PRRT4: variants seen among roughly 807,000 people sequenced by gnomAD.
PRRT4 encodes the protein proline-rich transmembrane protein 4.
Under a neutral mutation model 55.6 loss-of-function variants are expected in PRRT4, and 59 were observed. The observed-to-expected ratio is 1.06, with a 90% CI of 0.86 to 1.32. The LOEUF is 1.32. PRRT4 is among the 40% of genes most tolerant of loss of function. PRRT4 has a pLI of 0.00. For missense variants in PRRT4, 1,217 were observed against 1,222.0 expected, an observed-to-expected ratio of 1.00 and a Z score of 0.06; for synonymous variants, 606 against 601.8, an observed-to-expected ratio of 1.01 and a Z score of -0.10.
chr7:128,353,147 T>C (rs918493221), intron 4 of PRRT4, among the ~76,000 whole-genome samples: 38 of 152,138 alleles, frequency 2.5e-4, no homozygotes, highest in Admixed American at 2.2e-3. Context: ...TTAGCAGATA[T>C]TCATTGACTA....
In PRRT4 at chr7:128,361,091, TCTCTCTCTCTCTCACACA is replaced by T. The variant is rs1352753029; in HGVS notation, c.-73+452_-73+469del. On this transcript the variant is annotated intron_variant, in intron 1 of 4. Coordinates refer to ENST00000535159, the Ensembl canonical transcript of PRRT4. ...GGCCTCCCCTGTCTCTCTCTCTCTC[TCTCTCTCTCTCTCACACA>T]CACACACACACACACACACACACAC... Among the ~76,000 whole-genome samples, 322 of 134,506 alleles carry T rather than the reference TCTCTCTCTCTCTCACACA, an allele frequency of 2.4e-3. 2 individuals carry two copies. Among genetic ancestry groups the T allele is most frequent in the African/African-American group, 9.2e-3 (310 of 33,660 alleles). 88.2% of individuals were successfully genotyped at this position (134,506 alleles called of 152,430 possible). A position where few individuals can be genotyped will look rare whatever the true frequency, so the allele number is the denominator to read the frequency against.
At chr7:128,350,923 T>TCCTGCAGCAAGGCCTCCTCGG (rs1031732252) in exon 5 of PRRT4, 13 of 1,550,702 alleles carry the variant, frequency 8.4e-6, no homozygotes, top group Non-Finnish European at 1.0e-5. Flanking sequence ...CAGGAACTGC[T>TCCTGCAGCAAGGCCTCCTCGG]CCTGCAGCAA....
intron 1 of PRRT4, among the ~76,000 whole-genome samples, chr7:128,360,609 C>T (rs1313379535): frequency 6.6e-6 from 1 of 152,092 alleles, no homozygotes; most frequent in Non-Finnish European, 1.5e-5. Flanking sequence ...AGTCAGAAGG[C>T]CGCCCAGGCT....
chr7:128,352,324 G>A, exon 5 of PRRT4: 1 of 1,541,936 alleles, frequency 6.5e-7, no homozygotes, highest in South Asian at 1.2e-5. Flanking sequence ...GGCCCGCGTG[G>A]TCCCGGCCGA....
In PRRT4 at chr7:128,351,143, A is replaced by G. The variant is rs1003300384; in HGVS notation, c.2413T>C (p.Ser805Pro). Residue 805 changes from serine (S) to proline (P), a missense_variant, in exon 5 of 5, where the codon TCG becomes CCG. By Grantham distance (74) the Ser-to-Pro change is moderately conservative (BLOSUM62 -1). Around this residue, in one of 3 missense-constraint regions of PRRT4, gnomAD observed 642 missense variants for 600.9 expected, o/e 1.07. Transcript: ENST00000535159. The stretch of plus-strand genomic sequence containing the variant: ...CTGTCCCGCGAGAGTCCGCAGAACG[A>G]GCCAGATGAGACGCTGCTGCCTGCG... 7.1e-6 allele frequency: 11 copies of G among 1,547,102 alleles called. No homozygotes were observed. In the Admixed American group the frequency reaches 1.4e-4, roughly 19 times the overall value.
chr7:128,358,572 A>C lies in PRRT4; in HGVS notation c.877+109T>G, dbSNP rs1292884057. On this transcript the variant is annotated intron_variant, in intron 4 of 4. Transcript: ENST00000535159. The surrounding 1 kb of genome is among the most constrained non-coding windows in gnomAD (Gnocchi z 4.4). The stretch of plus-strand genomic sequence containing the variant: ...GGTGATGATGAAGAGAATGATGATT[A>C]TGATTATGATGACAATGAAATAAAA... 1 of 932,604 alleles carries C rather than the reference A, an allele frequency of 1.1e-6. No individual in the cohort carries two copies. The highest frequency in any genetic ancestry group is 1.5e-5 in the South Asian group (1 of 66,682). 57.8% of individuals were successfully genotyped at this position (932,604 alleles called of 1,614,324 possible).
At chr7:128,351,629 C>G (rs1796973637) in exon 5 of PRRT4, 3 of 1,514,180 alleles carry the variant, frequency 2.0e-6, no homozygotes, top group East Asian at 5.2e-5. Flanking sequence ...GCCGCGTGGC[C>G]CGGGGACAAG....
downstream of PRRT4, chr7:128,350,619 G>A: frequency 1.6e-6 from 1 of 619,990 alleles, no homozygotes; most frequent in Non-Finnish European, 2.7e-6. Context: ...TGGGACCCCT[G>A]CCAACCTAGA....
At chr7:128,352,650 A>C in exon 5 of PRRT4, 1 of 1,537,536 alleles carries the variant, frequency 6.5e-7, no homozygotes, top group Non-Finnish European at 8.7e-7. Context: ...GAGAGAGGTC[A>C]TCTGGGCCAG....
chr7:128,351,327 C>A (rs1210518644), exon 5 of PRRT4: 1 of 1,545,990 alleles, frequency 6.5e-7, no homozygotes, highest in East Asian at 2.4e-5. Context: ...AGAGGCCAGG[C>A]GCAAGCAGGG....
exon 5 of PRRT4, chr7:128,351,832 T>C: frequency 7.2e-7 from 1 of 1,384,292 alleles, no homozygotes; most frequent in Non-Finnish European, 9.3e-7. Context: ...CTCATAGCCC[T>C]GCAGGGCTCC....
At chr7:128,350,620 C>G (rs372425338), downstream of PRRT4, 3 of 621,996 alleles carry the variant, frequency 4.8e-6, no homozygotes, top group South Asian at 6.1e-5. Flanking sequence ...GGGACCCCTG[C>G]CAACCTAGAT....
intron 4 of PRRT4, among the ~76,000 whole-genome samples, chr7:128,354,478 C>T (rs1226381399): frequency 6.6e-6 from 1 of 152,042 alleles, no homozygotes; most frequent in African/African-American, 2.4e-5. Flanking sequence ...GCAGGAGAAT[C>T]GCTTGAACCG....
intron 4 of PRRT4, 30 bp from the exon 6 acceptor site, chr7:128,352,708 A>G: frequency 6.7e-7 from 1 of 1,496,636 alleles, no homozygotes; most frequent in South Asian, 1.3e-5. Context: ...GGCTTGAGGC[A>G]ATGATGCAGC....
At chr7:128,359,743 C>G (rs1257089753) in exon 2 of PRRT4, 1 of 1,551,234 alleles carries the variant, frequency 6.4e-7, no homozygotes. Context: ...CCCCTGGCTC[C>G]TGGCCTGGCC....
chr7:128,351,928 T>C, exon 5 of PRRT4: 1 of 1,299,428 alleles, frequency 7.7e-7, no homozygotes, highest in Non-Finnish European at 9.7e-7. Context: ...GCTGCGCCCC[T>C]GCGGCAGGGG....
At chr7:128,351,994 C>A (rs762036051) in exon 5 of PRRT4, 2 of 1,309,842 alleles carry the variant, frequency 1.5e-6, no homozygotes, top group South Asian at 2.0e-5. Flanking sequence ...CCGCCGCCGC[C>A]CGCCCCAGCA....
Position 128,355,783 on chromosome 7 carries a change from G to A in PRRT4, c.877+2898C>T, listed in dbSNP as rs898016736. On this transcript the variant is annotated intron_variant, in intron 4 of 4. Transcript: ENST00000535159. ...AGGAAGACATGACCTAGGAGCCCAC[G>A]GTCTGCCCCAGCCTGTCACCCCCTT... Among the ~76,000 whole-genome samples, 7 of 152,132 alleles carry A rather than the reference G, an allele frequency of 4.6e-5. No homozygotes were observed. The South Asian group carries it at 8.3e-4, about 18-fold the overall frequency.
exon 2 of PRRT4, chr7:128,359,842 G>A: frequency 6.6e-7 from 1 of 1,512,228 alleles, no homozygotes; most frequent in South Asian, 1.3e-5. Flanking sequence ...GTCCCAGGTT[G>A]AGAGACAGCA....
Sources: allele counts gnomAD v4.1 joint callset (sites outside exome capture counted in the v4.1 genomes callset), GRCh38; gene constraint gnomAD v4.1.1; regional missense constraint gnomAD v4.1.1; non-coding constraint Gnocchi (gnomAD v3.1); transcripts MANE v1.5; gene names NCBI Gene and HGNC (gene_info 2026-07-23, HGNC 2026-07-21).